The following AK9 variants were observed in gnomAD, a reference collection of about 807,000 sequenced individuals.
AK9 encodes the protein adenylate kinase 9, also known as adenylate kinase domain containing 1.
Under a neutral mutation model 239.6 loss-of-function variants are expected in AK9, and 191 were observed. That is an observed-to-expected ratio of 0.80 (90% CI 0.71 to 0.90). AK9 has a LOEUF of 0.90. Among genes scored for constraint, AK9 ranks in the 40% least tolerant of loss-of-function variants. AK9 has a pLI of 0.00. For missense variants in AK9, 1,995 were observed against 2,214.7 expected (o/e 0.90, Z 1.99); for synonymous variants, 689 against 721.0 (o/e 0.96, Z 0.71).
chr6:109,644,155 G>C (rs1797762471), intron 9 of AK9, among the ~76,000 whole-genome samples: 1 of 152,180 alleles, frequency 6.6e-6, no homozygotes, highest in Admixed American at 6.5e-5. Flanking sequence ...TTAAGAGATA[G>C]TTACTATATT....
intron 17 of AK9, among the ~76,000 whole-genome samples, chr6:109,586,674 G>A (rs148007941): frequency 0.01 from 1,548 of 152,186 alleles, 12 homozygotes; most frequent in Non-Finnish European, 0.016. Flanking sequence ...GAGCTAAAAG[G>A]TACTGAGATG....
intron 1 of AK9, among the ~76,000 whole-genome samples, chr6:109,682,559 T>C (rs1294974811): frequency 2.0e-5 from 3 of 151,208 alleles, no homozygotes; most frequent in African/African-American, 4.9e-5. Flanking sequence ...AAAAATGATA[T>C]AGGGGATATC....
chr6:109,685,428 A>G (rs1242876023), intron 1 of AK9, among the ~76,000 whole-genome samples: 2 of 152,234 alleles, frequency 1.3e-5, no homozygotes, highest in African/African-American at 4.8e-5. Context: ...CATCCTTTGC[A>G]GGGACATGGA....
At chr6:109,512,454 G>A (rs1277843200) in intron 32 of AK9, among the ~76,000 whole-genome samples, 1 of 152,032 alleles carries the variant, frequency 6.6e-6, no homozygotes, top group East Asian at 1.9e-4. Flanking sequence ...CTATGGACTC[G>A]CCTTGAATTC....
rs927341557 is a variant in AK9, at chr6:109,499,082, C to T, written c.5008G>A (p.Gly1670Arg). Reference sequence around the variant, plus strand: ...TGAGAACTCATTTTATAGTAGTGCCCCCTGAACTCTGCTGCAAATTCCAAG... The same window carrying T: ...TGAGAACTCATTTTATAGTAGTGCCTCCTGAACTCTGCTGCAAATTCCAAG... Reference protein sequence around the residue: ...DSLEFAAEFRGHYYKMSSQEK... With the variant: ...DSLEFAAEFRRHYYKMSSQEK... The change falls in exon 36 of 41, where the codon GGG becomes AGG. Residue 1670 changes from glycine (G) to arginine (R), a missense_variant. By Grantham distance (125) the Gly-to-Arg change is moderately radical (BLOSUM62 -2). Around this residue, in one of 5 missense-constraint regions of AK9, gnomAD observed 391 missense variants for 456.0 expected, o/e 0.86. Coordinates refer to ENST00000424296, the MANE Select transcript of AK9 (RefSeq NM_001145128.3). 2.5e-6 allele frequency: 4 copies of T among 1,597,268 alleles called. No individual in the cohort carries two copies. In the African/African-American group the frequency reaches 5.4e-5, roughly 22 times the overall value.
chr6:109,588,815 C>A (rs1192047428), intron 17 of AK9, among the ~76,000 whole-genome samples: 1 of 152,116 alleles, frequency 6.6e-6, no homozygotes, highest in East Asian at 1.9e-4. Context: ...TTTCCCAGTA[C>A]CATTTATTGA....
At position 109,557,421 on chromosome 6, in the gene AK9, C is replaced by T. The variant is rs538409356; in HGVS notation, c.2751+6176G>A. 4.6e-5 allele frequency among the ~76,000 whole-genome samples: 7 copies of T among 152,248 alleles called. No homozygotes were observed. In the South Asian group the frequency reaches 1.5e-3, roughly 32 times the overall value. ...CACCAACCTGATGCCAGTAGGATCG[C>T]TCCTGTATAGAATGTCTAACAACCC... is the stretch of plus-strand genomic sequence containing the variant. On this transcript the variant is annotated intron_variant, in intron 24 of 40. Transcript: ENST00000424296.
At chr6:109,514,885 T>C (rs1467645517) in intron 31 of AK9, among the ~76,000 whole-genome samples, 1 of 152,192 alleles carries the variant, frequency 6.6e-6, no homozygotes, top group Non-Finnish European at 1.5e-5. Flanking sequence ...AGACAGGGCC[T>C]TTAATAAAGG....
intron 35 of AK9, among the ~76,000 whole-genome samples, chr6:109,500,034 T>TAC (rs36086518): frequency 0.22 from 31,421 of 141,172 alleles, 3,263 homozygotes; most frequent in South Asian, 0.26. Flanking sequence ...ATATATATGA[T>TAC]ACACACACAC....
At chr6:109,580,916 G>GT (rs1788777193) in intron 19 of AK9, among the ~76,000 whole-genome samples, 1 of 111,292 alleles carries the variant, frequency 9.0e-6, no homozygotes, top group Admixed American at 9.8e-5. Context: ...TTTTTTTTGT[G>GT]TTTTTTTGTT....
At chr6:109,526,105 G>A (rs9487135) in intron 29 of AK9, among the ~76,000 whole-genome samples, 31,488 of 151,892 alleles carry the variant, frequency 0.21, 3,417 homozygotes, top group South Asian at 0.33. Context: ...ACACAAAGAG[G>A]AGAACAAAAG....
At chr6:109,649,415 T>G (rs1798579547) in intron 8 of AK9, among the ~76,000 whole-genome samples, 1 of 152,122 alleles carries the variant, frequency 6.6e-6, no homozygotes, top group Non-Finnish European at 1.5e-5. Context: ...AAAATCAATG[T>G]ATAAAAATCA....
intron 1 of AK9, among the ~76,000 whole-genome samples, chr6:109,681,343 C>A (rs1434014546): frequency 6.6e-6 from 1 of 152,102 alleles, no homozygotes; most frequent in East Asian, 1.9e-4. Context: ...TCAAAAGAGA[C>A]AAAGAAGGTC....
At position 109,526,825 on chromosome 6, in the gene AK9, T is replaced by A. The variant is rs1054091058; in HGVS notation, c.3633+2186A>T. Among the ~76,000 whole-genome samples, 4 of 152,184 alleles carry A rather than the reference T, an allele frequency of 2.6e-5. No homozygotes were observed. In the East Asian group the frequency reaches 7.7e-4, roughly 29 times the overall value. ...CACACTTTTGCTTGCTGTTTCAACC[T>A]GAAGAGCCCTCTGTGTATCAACCTT... On this transcript the variant is annotated intron_variant, in intron 29 of 40. Coordinates refer to ENST00000424296, the MANE Select transcript of AK9 (RefSeq NM_001145128.3).
intron 20 of AK9, among the ~76,000 whole-genome samples, chr6:109,575,289 C>T (rs189060396): frequency 1.3e-5 from 2 of 152,282 alleles, no homozygotes; most frequent in East Asian, 3.9e-4. Flanking sequence ...GGTTTACATT[C>T]CCACAAGCAG....
In AK9 at chr6:109,616,391, AT is replaced by A. The variant is rs377497094; in HGVS notation, c.1400-1912del. Among the ~76,000 whole-genome samples, 1,102 of 150,018 alleles carry A rather than the reference AT, an allele frequency of 7.3e-3. 20 individuals are homozygous for A. The highest frequency in any genetic ancestry group is 0.025 in the African/African-American group (1,029 of 40,860). ...GCTGGCAATACATTTGATAATTTTCATTTTTTTTTCTTTCTTTTTTTTTTGA... is the reference window on the plus strand; with the variant it reads ...GCTGGCAATACATTTGATAATTTTCATTTTTTTTCTTTCTTTTTTTTTTGA... On this transcript the variant is annotated intron_variant, in intron 13 of 40. Transcript: ENST00000424296.
Position 109,537,194 on chromosome 6 carries a change from T to G in AK9, c.3351-3724A>C, listed in dbSNP as rs1331837910. ...AGAAGGATTGGTACCAGCTCCTCCTTCTACCTCTGGTAGAATTTGGCTGTG... is the reference window on the plus strand; with the variant it reads ...AGAAGGATTGGTACCAGCTCCTCCTGCTACCTCTGGTAGAATTTGGCTGTG... On this transcript the variant is annotated intron_variant, in intron 27 of 40. Coordinates refer to ENST00000424296, the MANE Select transcript of AK9 (RefSeq NM_001145128.3). Among the ~76,000 whole-genome samples, 6 of 152,150 alleles carry G rather than the reference T, an allele frequency of 3.9e-5. No homozygotes were observed. The East Asian group carries it at 1.2e-3, about 29-fold the overall frequency.
intron 1 of AK9, among the ~76,000 whole-genome samples, chr6:109,686,944 T>C (rs577244766): frequency 6.6e-6 from 1 of 152,294 alleles, no homozygotes; most frequent in African/African-American, 2.4e-5. Flanking sequence ...ATTTCAAAAA[T>C]AAGCAGCCCA....
At chr6:109,555,907 A>G (rs1386296740) in intron 24 of AK9, among the ~76,000 whole-genome samples, 1 of 152,012 alleles carries the variant, frequency 6.6e-6, no homozygotes, top group Non-Finnish European at 1.5e-5. Context: ...GTATCTTTGC[A>G]TGTGAGATGA....
Sources: gnomAD v4.1 joint callset for allele counts (sites outside exome capture counted in the v4.1 genomes callset) on GRCh38, gnomAD v4.1.1 for gene constraint, gnomAD v4.1.1 regional missense constraint, MANE v1.5 for transcripts, NCBI Gene and HGNC (gene_info 2026-07-23, HGNC 2026-07-21) for gene names.